The following CACHD1 variants were observed in gnomAD, a reference collection of about 807,000 sequenced individuals.
CACHD1 encodes cache domain containing 1, also known as VWFA and cache domain-containing protein 1.
A neutral mutation model predicts 138.7 loss-of-function variants in CACHD1; 71 were observed. The ratio of observed to expected loss-of-function variants is 0.51; its 90% CI spans 0.42 to 0.62. The LOEUF (loss-of-function observed/expected upper bound fraction) is 0.62, where lower values mean the gene tolerates loss of function less well. CACHD1 is among the 20% of genes least tolerant of loss of function. The probability of loss-of-function intolerance (pLI) is 0.00; values close to 1 mark genes in which losing one functional copy is unlikely to be tolerated. For synonymous variants in CACHD1, 578 were observed against 591.5 expected, an observed-to-expected ratio of 0.98 and a Z score of 0.33; for missense variants, 1,389 against 1,625.3, an observed-to-expected ratio of 0.85 and a Z score of 2.50.
At chr1:64,541,302 T>C (rs1448365562) in intron 1 of CACHD1, among the ~76,000 whole-genome samples, 1 of 152,224 alleles carries the variant, frequency 6.6e-6, no homozygotes, top group Non-Finnish European at 1.5e-5. Flanking sequence ...AACAATAAGG[T>C]TAGGACCTAG....
intron 1 of CACHD1, among the ~76,000 whole-genome samples, chr1:64,525,616 G>T (rs1646532370): frequency 6.6e-6 from 1 of 152,152 alleles, no homozygotes; most frequent in South Asian, 2.1e-4. Context: ...ACATTAAGGG[G>T]ACTGGGTGGC....
intron 13 of CACHD1, among the ~76,000 whole-genome samples, chr1:64,659,596 G>T (rs1649378709): frequency 6.6e-6 from 1 of 152,308 alleles, no homozygotes; most frequent in South Asian, 2.1e-4. Context: ...GTTTACCAAA[G>T]ATAATTTTCC....
chr1:64,534,545 A>T (rs1209723878), intron 1 of CACHD1, among the ~76,000 whole-genome samples: 1 of 152,210 alleles, frequency 6.6e-6, no homozygotes. Flanking sequence ...GAGGCTCTTG[A>T]TGACTTTGCA....
chr1:64,474,926 G>A (rs930282331), intron 1 of CACHD1, among the ~76,000 whole-genome samples: 1 of 152,220 alleles, frequency 6.6e-6, no homozygotes, highest in South Asian at 2.1e-4. Context: ...TGAGGCCTGG[G>A]AGGGAGGGAG....
At chr1:64,632,448 T>A in intron 5 of CACHD1, 151 bp from the exon 6 acceptor site, 1 of 714,292 alleles carries the variant, frequency 1.4e-6, no homozygotes, top group Non-Finnish European at 2.3e-6. Context: ...CAATATGGTT[T>A]CTCCTTCCAT....
rs183458838 is a variant in CACHD1 at position 64,501,540 on chromosome 1, C to T, written c.198+30598C>T. On this transcript the variant is annotated intron_variant, in intron 1 of 26. Coordinates refer to ENST00000651257, the MANE Select transcript of CACHD1 (RefSeq NM_020925.4). ...AGCAGTTAATTTCATAGTTTAACTA[C>T]TTTTTCTATAAGAAAATACTATCTG... 4.0e-3 allele frequency among the ~76,000 whole-genome samples: 613 copies of T among 152,286 alleles called. 2 individuals carry two copies. The highest frequency in any genetic ancestry group is 0.01 in the Middle Eastern group (3 of 294).
chr1:64,567,197 T>C (rs1467610964), intron 2 of CACHD1, among the ~76,000 whole-genome samples: 1 of 152,132 alleles, frequency 6.6e-6, no homozygotes, highest in African/African-American at 2.4e-5. Context: ...ATACTTGGCA[T>C]TGTAGGAAGA....
chr1:64,585,741 G>C (rs1276263109), intron 3 of CACHD1, among the ~76,000 whole-genome samples: 1 of 152,232 alleles, frequency 6.6e-6, no homozygotes, highest in African/African-American at 2.4e-5. Context: ...GAAGTGGCCT[G>C]TGAGGACTCC....
At chr1:64,635,884 G>A (rs1301624136) in intron 7 of CACHD1, among the ~76,000 whole-genome samples, 1 of 151,670 alleles carries the variant, frequency 6.6e-6, no homozygotes, top group African/African-American at 2.4e-5. Flanking sequence ...GGCTGAGGTG[G>A]GTGGATCACA....
intron 26 of CACHD1, among the ~76,000 whole-genome samples, chr1:64,684,619 GA>G (rs1247762227): frequency 3.3e-5 from 5 of 151,854 alleles, no homozygotes; most frequent in African/African-American, 4.8e-5. Context: ...ATTGAAGAAA[GA>G]AAAAAGTTTA....
At chr1:64,521,265 C>T (rs1413522041) in intron 1 of CACHD1, among the ~76,000 whole-genome samples, 3 of 152,132 alleles carry the variant, frequency 2.0e-5, no homozygotes, top group Admixed American at 1.3e-4. Flanking sequence ...TGTGTCTTGC[C>T]CTGTGGCTAC....
At chr1:64,609,012 T>C (rs1647433445) in intron 4 of CACHD1, among the ~76,000 whole-genome samples, 1 of 152,198 alleles carries the variant, frequency 6.6e-6, no homozygotes, top group Admixed American at 6.5e-5. Flanking sequence ...CAGTCTTCAT[T>C]GAGAAACGGG....
chr1:64,610,815 T>C (rs535042402), intron 4 of CACHD1, among the ~76,000 whole-genome samples: 63 of 152,330 alleles, frequency 4.1e-4, no homozygotes, highest in Admixed American at 2.2e-3. Context: ...CAGTGGGTAC[T>C]CTGTGTGGGG....
At chr1:64,673,553 C>A in intron 19 of CACHD1, 89 bp downstream of exon 19, 1 of 1,068,486 alleles carries the variant, frequency 9.4e-7, no homozygotes, top group Non-Finnish European at 1.4e-6. Context: ...GAATATTATT[C>A]CTACCTGTTT....
At chr1:64,518,229 C>G (rs1448364240) in intron 1 of CACHD1, among the ~76,000 whole-genome samples, 1 of 152,124 alleles carries the variant, frequency 6.6e-6, no homozygotes, top group Non-Finnish European at 1.5e-5. Context: ...AGCGGACATA[C>G]TCTCAGCACA....
intron 1 of CACHD1, among the ~76,000 whole-genome samples, chr1:64,480,745 G>GT (rs1195374877): frequency 1.3e-5 from 2 of 151,646 alleles, no homozygotes; most frequent in African/African-American, 4.8e-5. Flanking sequence ...TTTGTTTTGT[G>GT]TTTGTTTATG....
chr1:64,498,871 G>A (rs1646322014), intron 1 of CACHD1, among the ~76,000 whole-genome samples: 2 of 152,210 alleles, frequency 1.3e-5, no homozygotes, highest in South Asian at 2.1e-4. Flanking sequence ...ATAATCGTGT[G>A]CTTAAAGTAC....
In CACHD1 at chr1:64,588,823, C is replaced by A. The variant is rs1194098369; in HGVS notation, c.410+6519C>A. ...TTAAAAAGAAGGGGGCAAAGGGGAGCATAAGCTACGGAGGAAATACTGGAA... is the reference window on the plus strand; with the variant it reads ...TTAAAAAGAAGGGGGCAAAGGGGAGAATAAGCTACGGAGGAAATACTGGAA... On this transcript the variant is annotated intron_variant, in intron 3 of 26. Transcript: ENST00000651257. Among the ~76,000 whole-genome samples, 6 of 152,102 alleles carry A rather than the reference C, an allele frequency of 3.9e-5. No individual in the cohort carries two copies. In the East Asian group the frequency reaches 9.6e-4, roughly 24 times the overall value.
rs756268306 is a variant in CACHD1 at position 64,678,227 on chromosome 1, A to C, written c.3161A>C (p.Lys1054Thr). 6 of 1,612,320 alleles carry C rather than the reference A, an allele frequency of 3.7e-6. No individual in the cohort carries two copies. Among genetic ancestry groups the C allele is most frequent in the Non-Finnish European group, 5.1e-6 (6 of 1,179,382 alleles). The change falls in exon 23 of 27, where the codon AAA becomes ACA. Residue 1054 changes from lysine (K) to threonine (T), a missense_variant. Physicochemically the swap from Lys to Thr is moderately conservative, Grantham distance 78 (BLOSUM62 -1). Transcript: ENST00000651257. ...VDSDGKTHLD[K>T]PYCAPQKECF... is the part of the protein sequence containing the mutation. ...AGTGATGGAAAGACTCACCTGGACA[A>C]ACCCTACTGTGCCCCCCAGAAAGAA...
Sources: gnomAD v4.1 joint callset for allele counts (sites outside exome capture counted in the v4.1 genomes callset) on GRCh38, gnomAD v4.1.1 for gene constraint, MANE v1.5 for transcripts, NCBI Gene and HGNC (gene_info 2026-07-23, HGNC 2026-07-21) for gene names.